The following HSD17B12 variants were observed in gnomAD, a reference collection of about 807,000 sequenced individuals.
HSD17B12 encodes very-long-chain 3-oxoacyl-CoA reductase.
HSD17B12 carries 32 observed loss-of-function variants against 39.3 expected under a neutral mutation model. The observed-to-expected ratio is 0.81, with a 90% CI of 0.61 to 1.09. The LOEUF is 1.09. HSD17B12 is among the 50% of genes least tolerant of loss of function. HSD17B12 has a pLI of 0.00. For missense variants in HSD17B12, 342 were observed against 382.9 expected (o/e 0.89, Z 0.89); for synonymous variants, 150 against 146.7 (o/e 1.02, Z -0.16).
intron 1 of HSD17B12, among the ~76,000 whole-genome samples, chr11:43,731,012 T>G (rs1203286594): frequency 6.6e-6 from 1 of 152,114 alleles, no homozygotes; most frequent in African/African-American, 2.4e-5. Flanking sequence ...ATTTTTTTTT[T>G]TCGAGACAGA....
upstream of HSD17B12, among the ~76,000 whole-genome samples, chr11:43,679,534 G>A (rs913716842): frequency 1.6e-4 from 24 of 151,940 alleles, no homozygotes; most frequent in African/African-American, 5.6e-4. Context: ...CTTTGCTAAC[G>A]TAGTTCCCAT....
At chr11:43,677,177 G>C (rs368891794), upstream of HSD17B12, among the ~76,000 whole-genome samples, 13 of 152,274 alleles carry the variant, frequency 8.5e-5, 1 homozygote, top group East Asian at 2.1e-3. Flanking sequence ...AATGGAGAAG[G>C]GGGGGTTTGG....
chr11:43,681,073 C>G, intron 1 of HSD17B12, 86 bp downstream of exon 1: 1 of 1,435,894 alleles, frequency 7.0e-7, no homozygotes, highest in Non-Finnish European at 9.2e-7. Context: ...GGGTCTGCTC[C>G]TGGCCTTCCC....
the HSD17B12 span, among the ~76,000 whole-genome samples, chr11:43,568,128 C>A: frequency 6.6e-6 from 1 of 152,062 alleles, no homozygotes; most frequent in Non-Finnish European, 1.5e-5. Flanking sequence ...GACGAACTCT[C>A]ACTCTGTTGC....
chr11:43,636,829 C>T, the HSD17B12 span, among the ~76,000 whole-genome samples: 176 of 152,150 alleles, frequency 1.2e-3, no homozygotes, highest in African/African-American at 4.1e-3. Context: ...CCTAATTCAT[C>T]AATTAGGAGA....
upstream of HSD17B12, among the ~76,000 whole-genome samples, chr11:43,678,848 T>C (rs1207067300): frequency 2.0e-5 from 3 of 152,226 alleles, no homozygotes; most frequent in Non-Finnish European, 2.9e-5. Context: ...CCTTGTAGTA[T>C]AGTTTGAAGT....
intron 7 of HSD17B12, chr11:43,833,444 G>A (rs1951334393): frequency 6.6e-6 from 1 of 152,166 alleles, no homozygotes; most frequent in African/African-American, 2.4e-5. Flanking sequence ...TGAAAGACAA[G>A]AGAGTAAAGA....
At chr11:43,579,724 C>T in the HSD17B12 span, among the ~76,000 whole-genome samples, 4 of 151,956 alleles carry the variant, frequency 2.6e-5, no homozygotes, top group Admixed American at 2.0e-4. Flanking sequence ...GTCCCGGAGC[C>T]GAGGGGATGC....
chr11:43,710,062 G>C (rs1178322980), intron 1 of HSD17B12, among the ~76,000 whole-genome samples: 1 of 152,224 alleles, frequency 6.6e-6, no homozygotes, highest in Non-Finnish European at 1.5e-5. Context: ...AAGGAGGCTT[G>C]ATGGTTTTGT....
intron 7 of HSD17B12, among the ~76,000 whole-genome samples, chr11:43,834,613 C>G (rs1951350836): frequency 6.6e-6 from 1 of 152,112 alleles, no homozygotes; most frequent in Non-Finnish European, 1.5e-5. Flanking sequence ...GATACCACAA[C>G]AGTCTGATAG....
intron 2 of HSD17B12, among the ~76,000 whole-genome samples, chr11:43,751,512 C>T (rs1384163938): frequency 1.3e-5 from 2 of 152,166 alleles, no homozygotes; most frequent in African/African-American, 4.8e-5. Context: ...CTTCTGGTCC[C>T]TGTGAAGGCA....
At chr11:43,595,293 A>G in the HSD17B12 span, among the ~76,000 whole-genome samples, 1 of 152,238 alleles carries the variant, frequency 6.6e-6, no homozygotes, top group Admixed American at 6.5e-5. Flanking sequence ...TCTTGTATAT[A>G]TGTTGCATCT....
At chr11:43,750,850 A>G in intron 1 of HSD17B12, 61 bp from the exon 2 acceptor site, 5 of 1,242,602 alleles carry the variant, frequency 4.0e-6, no homozygotes, top group South Asian at 3.9e-5. Flanking sequence ...GTGGGTCCTA[A>G]CTATGACCAA....
the HSD17B12 span, among the ~76,000 whole-genome samples, chr11:43,631,923 T>G: frequency 1.3e-5 from 2 of 152,124 alleles, no homozygotes; most frequent in Non-Finnish European, 2.9e-5. Context: ...CTTTGGCCTC[T>G]CATCCCTCTT....
the HSD17B12 span, among the ~76,000 whole-genome samples, chr11:43,611,632 C>T: frequency 2.6e-5 from 4 of 152,212 alleles, no homozygotes. Flanking sequence ...TAGATCTCCC[C>T]AGCAACCAAA....
At chr11:43,648,049 G>C in the HSD17B12 span, among the ~76,000 whole-genome samples, 1 of 152,112 alleles carries the variant, frequency 6.6e-6, no homozygotes, top group African/African-American at 2.4e-5. Flanking sequence ...TAGAAATAAA[G>C]CAAGATCGTA....
chr11:43,650,310 A>G, the HSD17B12 span, among the ~76,000 whole-genome samples: 2 of 152,242 alleles, frequency 1.3e-5, no homozygotes, highest in Non-Finnish European at 2.9e-5. Flanking sequence ...AAATGCCAAG[A>G]TTATGAACAG....
At chr11:43,639,621 G>C in the HSD17B12 span, among the ~76,000 whole-genome samples, 3 of 151,886 alleles carry the variant, frequency 2.0e-5, no homozygotes, top group East Asian at 5.8e-4. Context: ...AGGAACCTCT[G>C]CTTAGTACTT....
chr11:43,724,535 T>G (rs1488317474), intron 1 of HSD17B12, among the ~76,000 whole-genome samples: 3 of 152,258 alleles, frequency 2.0e-5, no homozygotes, highest in Middle Eastern at 6.8e-3. Flanking sequence ...GACTGTGAAG[T>G]CCAAGATCAA....
Sources: gnomAD v4.1 joint callset for allele counts (sites outside exome capture counted in the v4.1 genomes callset) on GRCh38, gnomAD v4.1.1 for gene constraint, MANE v1.5 for transcripts, NCBI Gene and HGNC (gene_info 2026-07-23, HGNC 2026-07-21) for gene names.